Variants in RABGAP1L observed in about 807,000 individuals in gnomAD.
RABGAP1L encodes RAB GTPase activating protein 1 like.
Under a neutral mutation model 137.7 loss-of-function variants are expected in RABGAP1L, and 63 were observed. The ratio of observed to expected loss-of-function variants is 0.46; its 90% confidence interval spans 0.37 to 0.56. The LOEUF (loss-of-function observed/expected upper bound fraction) is 0.56. Ranked by LOEUF, RABGAP1L falls within the 20% of genes least tolerant of loss-of-function variation. The probability of loss-of-function intolerance (pLI) is 0.00; values close to 1 mark genes in which losing one functional copy is unlikely to be tolerated. For synonymous variants in RABGAP1L, 431 were observed against 433.7 expected (o/e 0.99, Z 0.08); for missense variants, 1,095 against 1,244.0 (o/e 0.88, Z 1.80).
chr1:174,230,431 T>C (rs1670551940), intron 3 of RABGAP1L, among the ~76,000 whole-genome samples: 1 of 152,164 alleles, frequency 6.6e-6, no homozygotes, highest in Admixed American at 6.6e-5. Flanking sequence ...AAGTCAATTA[T>C]GCATTCGTCT....
chr1:174,390,207 A>T (rs1687111264), intron 12 of RABGAP1L, among the ~76,000 whole-genome samples: 1 of 152,176 alleles, frequency 6.6e-6, no homozygotes, highest in Non-Finnish European at 1.5e-5. Flanking sequence ...TTAATCAAGC[A>T]GTGTTATGAG....
chr1:174,328,476 A>G (rs866192018), intron 11 of RABGAP1L, among the ~76,000 whole-genome samples: 16 of 152,124 alleles, frequency 1.1e-4, no homozygotes, highest in African/African-American at 3.9e-4. Flanking sequence ...AAGGGAATTT[A>G]AAAAATTTCT....
At chr1:174,409,388 C>T (rs1044616106) in intron 13 of RABGAP1L, among the ~76,000 whole-genome samples, 19 of 152,112 alleles carry the variant, frequency 1.2e-4, no homozygotes, top group Admixed American at 5.2e-4. Context: ...CTGTTATCTT[C>T]GTAAGCTGAG....
intron 13 of RABGAP1L, among the ~76,000 whole-genome samples, chr1:174,563,808 AT>A (rs1287129843): frequency 6.6e-6 from 1 of 152,150 alleles, no homozygotes; most frequent in Non-Finnish European, 1.5e-5. Context: ...TTGTACAGAA[AT>A]GAATGAATGG....
intron 23 of RABGAP1L, among the ~76,000 whole-genome samples, chr1:174,979,343 A>G (rs1350989186): frequency 6.6e-6 from 1 of 152,150 alleles, no homozygotes; most frequent in Non-Finnish European, 1.5e-5. Context: ...CATACTTATA[A>G]CTTATTACTT....
At chr1:174,293,384 G>A (rs1183248287) in intron 10 of RABGAP1L, among the ~76,000 whole-genome samples, 1 of 152,076 alleles carries the variant, frequency 6.6e-6, no homozygotes, top group Admixed American at 6.5e-5. Flanking sequence ...TGCTCATATG[G>A]GGTTATTTGA....
chr1:174,734,542 C>T (rs1310051649), intron 17 of RABGAP1L, among the ~76,000 whole-genome samples: 1 of 152,054 alleles, frequency 6.6e-6, no homozygotes, highest in African/African-American at 2.4e-5. Context: ...AATCCAGAAC[C>T]AGAACTCAAT....
chr1:174,651,298 G>T (rs1415843740), intron 14 of RABGAP1L, among the ~76,000 whole-genome samples: 3 of 152,088 alleles, frequency 2.0e-5, no homozygotes. Context: ...GTGCTGAAAA[G>T]AATGTATATT....
At chr1:174,964,603 C>T (rs1236815351) in intron 20 of RABGAP1L, among the ~76,000 whole-genome samples, 2 of 152,194 alleles carry the variant, frequency 1.3e-5, no homozygotes, top group Non-Finnish European at 2.9e-5. Context: ...GAAGTTCCTT[C>T]CACCCAGCTT....
Position 174,598,020 on chromosome 1 carries a change from A to T in RABGAP1L, c.1711-39355A>T, listed in dbSNP as rs1007281631. 5.3e-5 allele frequency among the ~76,000 whole-genome samples: 8 copies of T among 152,162 alleles called. No individual in the cohort carries two copies. The South Asian group carries it at 1.7e-3, about 31-fold the overall frequency. On this transcript the variant is annotated intron_variant, in intron 13 of 25. Transcript: ENST00000681986. The stretch of plus-strand genomic sequence containing the variant: ...CCATTGTGGTCTGAGAAGATAATTG[A>T]TATGATTTCAGGTTTTAAAAACATT...
intron 20 of RABGAP1L, among the ~76,000 whole-genome samples, chr1:174,961,936 C>A (rs1275397769): frequency 6.6e-6 from 1 of 150,900 alleles, no homozygotes; most frequent in African/African-American, 2.4e-5. Flanking sequence ...GTGGGCAGAT[C>A]ACAAGGTCAG....
At position 174,199,044 on chromosome 1, in the gene RABGAP1L, G is replaced by T. The variant is rs532849971; in HGVS notation, c.-33-20081G>T. Among the ~76,000 whole-genome samples the T allele has an allele frequency of 3.9e-4, 59 of 152,268 alleles. No homozygotes were observed. In the South Asian group the frequency reaches 9.5e-3, roughly 25 times the overall value. ...AGTCGCTTGAACCTGGGAGGCGGAGGTTGCAGTGAGCCAAGATTGCGCCAT... is the reference window on the plus strand; with the variant it reads ...AGTCGCTTGAACCTGGGAGGCGGAGTTTGCAGTGAGCCAAGATTGCGCCAT... On this transcript the variant is annotated intron_variant, in intron 1 of 25. Coordinates refer to ENST00000681986, the MANE Select transcript of RABGAP1L (RefSeq NM_001366446.1).
chr1:174,299,847 T>C (rs927600330), intron 10 of RABGAP1L, among the ~76,000 whole-genome samples: 1 of 152,332 alleles, frequency 6.6e-6, no homozygotes, highest in East Asian at 1.9e-4. Context: ...TCCAAAGTTA[T>C]CAGAAGTCTG....
intron 14 of RABGAP1L, among the ~76,000 whole-genome samples, chr1:174,666,780 G>T (rs1676817288): frequency 6.6e-6 from 1 of 152,166 alleles, no homozygotes; most frequent in South Asian, 2.1e-4. Context: ...AGGTTTGTGT[G>T]TGAGGGAGCA....
chr1:174,170,115 A>G (rs1205172447), intron 1 of RABGAP1L, among the ~76,000 whole-genome samples: 1 of 152,190 alleles, frequency 6.6e-6, no homozygotes, highest in Non-Finnish European at 1.5e-5. Context: ...GTTTTGTGGG[A>G]GACAGTGTAG....
Position 174,258,772 on chromosome 1 carries a change from TG to T in RABGAP1L, c.986+6185del, listed in dbSNP as rs965888571. ...AAATTATGTAAAATTATCAACATTC[TG>T]GGTTTTTTTTTGTTTGTTTTTGGTG... On this transcript the variant is annotated intron_variant, in intron 7 of 25. Coordinates refer to ENST00000681986, the MANE Select transcript of RABGAP1L (RefSeq NM_001366446.1). Among the ~76,000 whole-genome samples the T allele has an allele frequency of 1.7e-4, 25 of 149,884 alleles. No homozygotes were observed. The South Asian group carries it at 2.0e-3, about 12-fold the overall frequency.
chr1:174,448,657 A>G lies in RABGAP1L; in HGVS notation c.1710+54512A>G, dbSNP rs772990562. 6 of 1,613,660 alleles carry G rather than the reference A, an allele frequency of 3.7e-6. No homozygotes were observed. Among genetic ancestry groups the G allele is most frequent in the Non-Finnish European group, 5.1e-6 (6 of 1,179,796 alleles). ...TGCCTTCCTTTTTTGGCTGGGGGAA[A>G]CCTGGTTACCATGGTGACATTTTTG... On this transcript the variant is annotated intron_variant, in intron 13 of 25. Coordinates refer to ENST00000681986, the MANE Select transcript of RABGAP1L (RefSeq NM_001366446.1). The surrounding 1 kb of genome is among the most constrained non-coding windows in gnomAD (Gnocchi z 4.2).
chr1:174,323,400 C>G (rs1052167910), intron 11 of RABGAP1L, among the ~76,000 whole-genome samples: 1 of 152,058 alleles, frequency 6.6e-6, no homozygotes, highest in Non-Finnish European at 1.5e-5. Context: ...TAAAGATACT[C>G]TCCTTTAAAT....
chr1:174,918,960 T>C (rs1661346179), intron 19 of RABGAP1L, among the ~76,000 whole-genome samples: 1 of 151,788 alleles, frequency 6.6e-6, no homozygotes, highest in South Asian at 2.1e-4. Context: ...GAGGCTGCAG[T>C]GAGCTCTGAT....
Sources: allele counts gnomAD v4.1 joint callset (sites outside exome capture counted in the v4.1 genomes callset), GRCh38; gene constraint gnomAD v4.1.1; non-coding constraint Gnocchi (gnomAD v3.1); transcripts MANE v1.5; gene names NCBI Gene and HGNC (gene_info 2026-07-23, HGNC 2026-07-21).